The following MKLN1 variants were observed in gnomAD, a reference collection of about 807,000 sequenced individuals.
MKLN1 encodes muskelin 1, also known as muskelin.
Under a neutral mutation model 99.0 loss-of-function variants are expected in MKLN1, and 18 were observed. The observed-to-expected ratio is 0.18, with a 90% CI of 0.13 to 0.27. The LOEUF (loss-of-function observed/expected upper bound fraction) is 0.27, where lower values mean the gene tolerates loss of function less well. Among genes scored for constraint, MKLN1 ranks in the 10% least tolerant of loss-of-function variants. MKLN1 has a pLI of 1.00. For missense variants in MKLN1, 621 were observed against 875.9 expected (o/e 0.71, Z 3.67); for synonymous variants, 288 against 293.2 (o/e 0.98, Z 0.18).
chr7:131,242,080 T>G (rs1797411884), intron 3 of MKLN1, among the ~76,000 whole-genome samples: 1 of 152,240 alleles, frequency 6.6e-6, no homozygotes, highest in African/African-American at 2.4e-5. Flanking sequence ...AGGTTAATAA[T>G]GTTGCAAAAC....
intron 2 of MKLN1, among the ~76,000 whole-genome samples, chr7:131,164,755 G>A (rs1271329256): frequency 2.0e-5 from 3 of 152,204 alleles, no homozygotes; most frequent in Non-Finnish European, 4.4e-5. Context: ...ATAGAAGGAA[G>A]ACAGAGAGAG....
upstream of MKLN1, chr7:131,326,685 G>A (rs993916459): frequency 4.6e-5 from 7 of 152,242 alleles, no homozygotes; most frequent in Non-Finnish European, 1.0e-4. Context: ...TATCCTAGTA[G>A]AGCCCACTAT....
chr7:131,207,924 A>G (rs1175624107), intron 3 of MKLN1, among the ~76,000 whole-genome samples: 1 of 152,246 alleles, frequency 6.6e-6, no homozygotes, highest in Non-Finnish European at 1.5e-5. Context: ...AGAAAAAGGC[A>G]AAATGTTTCA....
chr7:131,253,410 G>A (rs1584869684), intron 3 of MKLN1, among the ~76,000 whole-genome samples: 1 of 152,168 alleles, frequency 6.6e-6, no homozygotes, highest in Non-Finnish European at 1.5e-5. Context: ...CTAGGCAAGT[G>A]CAGCCAAGAG....
chr7:131,269,354 A>G (rs986414962), intron 3 of MKLN1, among the ~76,000 whole-genome samples: 3 of 152,182 alleles, frequency 2.0e-5, no homozygotes, highest in South Asian at 2.1e-4. Flanking sequence ...CCTGCCTTCT[A>G]GTTCATAGAG....
intron 3 of MKLN1, among the ~76,000 whole-genome samples, chr7:131,300,686 T>C (rs1208569388): frequency 2.1e-5 from 1 of 48,202 alleles, no homozygotes. Context: ...AGACCCTGTC[T>C]CAAAAAAAAA....
intron 4 of MKLN1, among the ~76,000 whole-genome samples, chr7:131,396,295 AT>A (rs962815911): frequency 6.6e-6 from 1 of 152,010 alleles, no homozygotes; most frequent in Admixed American, 6.6e-5. Flanking sequence ...CTGGTTTTGA[AT>A]TCCTGGCCTC....
chr7:131,384,654 A>G (rs148197548), intron 2 of MKLN1, among the ~76,000 whole-genome samples: 59 of 152,322 alleles, frequency 3.9e-4, no homozygotes, highest in African/African-American at 1.4e-3. Flanking sequence ...AATACACCCT[A>G]TAGTACACCT....
chr7:131,298,422 G>A (rs1222789427), intron 3 of MKLN1, among the ~76,000 whole-genome samples: 1 of 152,186 alleles, frequency 6.6e-6, no homozygotes, highest in Non-Finnish European at 1.5e-5. Flanking sequence ...AATCTGAGAG[G>A]ACAGCCTCTA....
intron 1 of MKLN1, among the ~76,000 whole-genome samples, chr7:131,357,678 A>G (rs1161529546): frequency 6.6e-6 from 1 of 152,102 alleles, no homozygotes; most frequent in African/African-American, 2.4e-5. Context: ...AAGCTCTTTC[A>G]GTTGACTCAT....
chr7:131,147,818 T>C (rs1002542619), intron 2 of MKLN1, among the ~76,000 whole-genome samples: 3 of 152,188 alleles, frequency 2.0e-5, no homozygotes, highest in African/African-American at 7.2e-5. Flanking sequence ...TTCAGTTCTC[T>C]TTCAAGTGAC....
At chr7:131,421,615 ATTAT>A (rs1380040840) in intron 8 of MKLN1, among the ~76,000 whole-genome samples, 1 of 152,202 alleles carries the variant, frequency 6.6e-6, no homozygotes, top group African/African-American at 2.4e-5. Context: ...ATGTGCATAT[ATTAT>A]TTATATAACA....
intron 1 of MKLN1, among the ~76,000 whole-genome samples, chr7:131,349,187 T>C (rs1799647214): frequency 8.2e-6 from 1 of 122,536 alleles, no homozygotes; most frequent in Admixed American, 9.5e-5. Context: ...AGCAGTTTGA[T>C]CTCTTAAATC....
chr7:131,333,068 C>T (rs28579556), intron 1 of MKLN1, among the ~76,000 whole-genome samples: 2,447 of 152,190 alleles, frequency 0.016, 46 homozygotes, highest in African/African-American at 0.053. Context: ...GTATTACAGG[C>T]GTGCACCACC....
intron 2 of MKLN1, among the ~76,000 whole-genome samples, chr7:131,197,362 C>A (rs1440353445): frequency 6.7e-6 from 1 of 149,248 alleles, no homozygotes. Flanking sequence ...TGCCACCATG[C>A]CCAGTTAATT....
intron 8 of MKLN1, among the ~76,000 whole-genome samples, chr7:131,424,905 G>A (rs1372941401): frequency 6.6e-6 from 1 of 152,150 alleles, no homozygotes; most frequent in Non-Finnish European, 1.5e-5. Flanking sequence ...CTGTCTGTGT[G>A]GAGTCAAGTT....
intron 17 of MKLN1, among the ~76,000 whole-genome samples, chr7:131,483,405 A>AT (rs1441604402): frequency 1.3e-5 from 2 of 152,186 alleles, no homozygotes; most frequent in African/African-American, 4.8e-5. Context: ...GTTGGTTCTC[A>AT]TTATTCAAAG....
intron 1 of MKLN1, among the ~76,000 whole-genome samples, chr7:131,332,729 C>T (rs532622531): frequency 1.3e-4 from 20 of 151,574 alleles, no homozygotes; most frequent in African/African-American, 4.8e-4. Flanking sequence ...GTAAATACTT[C>T]CTTATGTTAT....
chr7:131,227,326 C>CTTCTT (rs374067358), intron 3 of MKLN1, among the ~76,000 whole-genome samples: 209 of 152,150 alleles, frequency 1.4e-3, no homozygotes, highest in Non-Finnish European at 2.1e-3. Context: ...GACTTCCTTT[C>CTTCTT]TTCTTTTCTT....
Sources: gnomAD v4.1 joint callset for allele counts (sites outside exome capture counted in the v4.1 genomes callset) on GRCh38, gnomAD v4.1.1 for gene constraint, MANE v1.5 for transcripts, NCBI Gene and HGNC (gene_info 2026-07-23, HGNC 2026-07-21) for gene names.